Variants in SYNE2 observed in about 807,000 individuals in gnomAD.
SYNE2 encodes the protein nesprin-2.
In SYNE2, 431 loss-of-function variants were observed where a neutral mutation model predicts 856.3. The ratio of observed to expected loss-of-function variants is 0.50; its 90% CI spans 0.47 to 0.55. SYNE2 has a LOEUF of 0.55. SYNE2 is among the 20% of genes least tolerant of loss of function. SYNE2 has a pLI of 0.00. For synonymous variants in SYNE2, 2,923 were observed against 2,872.3 expected (o/e 1.02, Z -0.56); for missense variants, 8,129 against 8,023.2 (o/e 1.01, Z -0.50).
chr14:63,950,187 G>A (rs2096128235), intron 7 of SYNE2, among the ~76,000 whole-genome samples, 181 bp downstream of exon 7: 1 of 152,144 alleles, frequency 6.6e-6, no homozygotes, highest in Admixed American at 6.6e-5. Context: ...AAGTCTGGAA[G>A]GTGGTATCAC....
rs1345105647 is a variant in SYNE2, at chr14:63,999,002, A to C, written c.3442A>C (p.Ser1148Arg). Reference protein sequence around the residue: ...TSDFSSEEDRSSSCLQAKLTD... With the variant: ...TSDFSSEEDRRSSCLQAKLTD... ...TGATTTCTCTAGTGAAGAGGACAGG[A>C]GTAGTTCTTGTCTGCAGGCTAAACT... The change falls in exon 27 of 116, where the codon AGT (serine) becomes CGT (arginine). Residue 1148 changes from serine to arginine, a missense_variant. Ser to Arg is a moderately radical substitution (Grantham distance 110). Transcript: ENST00000555002. 3 of 1,613,904 alleles carry C rather than the reference A, an allele frequency of 1.9e-6. No homozygotes were observed. The highest frequency in any genetic ancestry group is 2.5e-6 in the Non-Finnish European group (3 of 1,179,866).
intron 111 of SYNE2, 65 bp from the exon 112 acceptor site, chr14:64,221,511 G>C: frequency 1.2e-6 from 2 of 1,614,182 alleles, no homozygotes; most frequent in Non-Finnish European, 1.7e-6. Context: ...AGTAAGCCAT[G>C]TTCCTGGCAC....
At chr14:64,176,643 T>C (rs2098436568) in intron 95 of SYNE2, among the ~76,000 whole-genome samples, 1 of 152,104 alleles carries the variant, frequency 6.6e-6, no homozygotes, top group Non-Finnish European at 1.5e-5. Flanking sequence ...GGTGCTGTCA[T>C]AGCATATACC....
At chr14:64,092,063 A>G (rs17101640) in intron 60 of SYNE2, among the ~76,000 whole-genome samples, 16,441 of 152,132 alleles carry the variant, frequency 0.11, 1,046 homozygotes, top group African/African-American at 0.18. Flanking sequence ...ACAGAGAGAA[A>G]AAAGATCTAG....
intron 84 of SYNE2, among the ~76,000 whole-genome samples, chr14:64,146,433 C>G (rs2098188328): frequency 6.6e-6 from 1 of 152,156 alleles, no homozygotes; most frequent in Admixed American, 6.5e-5. Context: ...AATGTACTTT[C>G]ACCGTTACAG....
chr14:64,050,028 C>A, intron 47 of SYNE2, 152 bp downstream of exon 47: 1 of 1,027,208 alleles, frequency 9.7e-7, no homozygotes, highest in Non-Finnish European at 1.4e-6. Context: ...TGGATGCTGT[C>A]TTTGTTTGGG....
At chr14:64,199,713 CAAAAAAA>C (rs34710996) in intron 99 of SYNE2, among the ~76,000 whole-genome samples, 4 of 66,060 alleles carry the variant, frequency 6.1e-5, no homozygotes, top group Non-Finnish European at 1.2e-4. Context: ...GACTCTGTCT[CAAAAAAA>C]AAAAAAAAAA....
intron 1 of SYNE2, among the ~76,000 whole-genome samples, chr14:63,829,234 G>A (rs1455144466): frequency 6.6e-6 from 1 of 151,988 alleles, no homozygotes; most frequent in Non-Finnish European, 1.5e-5. Flanking sequence ...GCAACATAAT[G>A]AGACCCCATC....
At chr14:64,079,902 G>A (rs2097505031) in intron 55 of SYNE2, among the ~76,000 whole-genome samples, 1 of 152,066 alleles carries the variant, frequency 6.6e-6, no homozygotes, top group African/African-American at 2.4e-5. Context: ...GTTTCCCTGT[G>A]TTGTCCAGGC....
At chr14:64,131,973 A>G (rs920502633) in intron 76 of SYNE2, among the ~76,000 whole-genome samples, 3 of 151,588 alleles carry the variant, frequency 2.0e-5, no homozygotes, top group African/African-American at 7.3e-5. Flanking sequence ...TTGCTCTGTC[A>G]CCTAGGCTGG....
rs188847058 is a variant in SYNE2 at position 63,921,451 on chromosome 14, T to C, written c.79+12224T>C. Reference sequence around the variant, plus strand: ...GGGTCTAGGCAGAACATCACACAGATAGAAAAAGCAACACAAGCCCGTAGC... The same window carrying C: ...GGGTCTAGGCAGAACATCACACAGACAGAAAAAGCAACACAAGCCCGTAGC... On this transcript the variant is annotated intron_variant, in intron 2 of 115. Transcript: ENST00000555002. Among the ~76,000 whole-genome samples, 116 of 151,878 alleles carry C rather than the reference T, an allele frequency of 7.6e-4. 1 individual carries two copies. In the East Asian group the frequency reaches 0.019, roughly 24 times the overall value.
intron 1 of SYNE2, among the ~76,000 whole-genome samples, chr14:63,836,985 C>G (rs1221452033): frequency 6.6e-6 from 1 of 152,120 alleles, no homozygotes; most frequent in Non-Finnish European, 1.5e-5. Context: ...CTCATTTTAT[C>G]AATCCATTCT....
chr14:63,954,939 A>C, intron 8 of SYNE2, 24 bp downstream of exon 8: 1 of 1,580,524 alleles, frequency 6.3e-7, no homozygotes, highest in South Asian at 1.1e-5. Flanking sequence ...TTTGTTTTTA[A>C]AACAATCTTT....
intron 1 of SYNE2, among the ~76,000 whole-genome samples, chr14:63,831,462 A>T (rs1041809085): frequency 1.1e-4 from 15 of 137,000 alleles, no homozygotes; most frequent in Non-Finnish European, 2.4e-4. Context: ...TAGCTTGTGT[A>T]TTTGTCTGAT....
intron 1 of SYNE2, among the ~76,000 whole-genome samples, chr14:63,856,343 C>T (rs1356345100): frequency 2.0e-5 from 3 of 152,210 alleles, no homozygotes; most frequent in Non-Finnish European, 4.4e-5. Flanking sequence ...GCCTAGAATA[C>T]AAAGCCAGGC....
intron 35 of SYNE2, among the ~76,000 whole-genome samples, 189 bp downstream of exon 35, chr14:64,020,282 T>C (rs142045595): frequency 6.6e-6 from 1 of 152,112 alleles, no homozygotes; most frequent in African/African-American, 2.4e-5. Flanking sequence ...GGAAGAAGAA[T>C]TGTCTTGGGC....
rs563343845 is a variant in SYNE2 at position 63,995,145 on chromosome 14, T to G, written c.2883T>G (p.Asn961Lys). 32 of 1,605,104 alleles carry G rather than the reference T, an allele frequency of 2.0e-5. No individual in the cohort carries two copies. The East Asian group carries it at 6.5e-4, about 33-fold the overall frequency. ...DNILKLEKQI[N>K]KEKKLIRRGR... Reference sequence around the variant, plus strand: ...TTTTAAAACTTGAAAAGCAAATAAATAAAGAAAAGAAACTTATCCGTAGAG... The same window carrying G: ...TTTTAAAACTTGAAAAGCAAATAAAGAAAGAAAAGAAACTTATCCGTAGAG... Residue 961 changes from asparagine to lysine, a missense_variant, in exon 23 of 116, where the codon AAT becomes AAG. Asn to Lys is a moderately conservative substitution (Grantham distance 94, BLOSUM62 0). Transcript: ENST00000555002.
intron 112 of SYNE2, 130 bp from the exon 113 acceptor site, chr14:64,223,059 A>G: frequency 1.2e-6 from 1 of 864,110 alleles, no homozygotes. Context: ...TATGAGAAAT[A>G]GAGGATTCTC....
rs8015191 is a variant in SYNE2, at chr14:63,998,600, C to T, written c.3353+272C>T. 0.38 allele frequency among the ~76,000 whole-genome samples: 58,153 copies of T among 151,794 alleles called. 11,347 individuals are homozygous for T. The highest frequency in any genetic ancestry group is 0.44 in the African/African-American group (18,004 of 41,356). On this transcript the variant is annotated intron_variant, in intron 26 of 115. Coordinates refer to ENST00000555002, the MANE Select transcript of SYNE2 (RefSeq NM_182914.3). The stretch of plus-strand genomic sequence containing the variant: ...ATTTTAGGACAGAGTGTCGTTCTGT[C>T]GCCCAGGCTGGAGTGCAGTGGCGCC...
Sources: allele counts gnomAD v4.1 joint callset (sites outside exome capture counted in the v4.1 genomes callset), GRCh38; gene constraint gnomAD v4.1.1; transcripts MANE v1.5; gene names NCBI Gene and HGNC (gene_info 2026-07-23, HGNC 2026-07-21).